Variants in SAMD3 observed in about 807,000 individuals in gnomAD.
SAMD3 encodes the protein sterile alpha motif domain-containing protein 3.
Under a neutral mutation model 58.5 loss-of-function variants are expected in SAMD3, and 63 were observed. The ratio of observed to expected loss-of-function variants is 1.08; its 90% CI spans 0.88 to 1.33. The LOEUF (loss-of-function observed/expected upper bound fraction) is 1.33, where lower values mean the gene tolerates loss of function less well. Among genes scored for constraint, SAMD3 ranks in the 40% most tolerant of loss-of-function variants. SAMD3 has a pLI of 0.00. For missense variants in SAMD3, 604 were observed against 608.4 expected (o/e 0.99, Z 0.08); for synonymous variants, 220 against 210.3 (o/e 1.05, Z -0.40).
intron 2 of SAMD3, among the ~76,000 whole-genome samples, chr6:130,297,716 T>C (rs575167991): frequency 6.6e-6 from 1 of 152,216 alleles, no homozygotes; most frequent in South Asian, 2.1e-4. Context: ...ATAGAAACAT[T>C]CCCTAAAGGA....
intron 1 of SAMD3, among the ~76,000 whole-genome samples, chr6:130,338,984 G>T (rs1777183015): frequency 6.6e-6 from 1 of 152,104 alleles, no homozygotes; most frequent in Non-Finnish European, 1.5e-5. Flanking sequence ...GTGAGATTTG[G>T]GAGGGGCCAG....
chr6:130,292,622 T>TTTTGC (rs1562503586), intron 2 of SAMD3, among the ~76,000 whole-genome samples: 8 of 149,570 alleles, frequency 5.3e-5, no homozygotes, highest in Non-Finnish European at 8.9e-5. Flanking sequence ...GTTTGTTTTG[T>TTTTGC]TTTGTTTTGT....
In SAMD3 at chr6:130,236,322, C is replaced by T. The variant is rs115517858; in HGVS notation, c.-187-13509G>A. On this transcript the variant is annotated intron_variant, in intron 2 of 13. Transcript: ENST00000368134. ...GTGACAAAGACAGCGGAAGTTAGAC[C>T]TCAGGTCTCTTTCCCTGCCCTAAAT... 4.4e-3 allele frequency among the ~76,000 whole-genome samples: 664 copies of T among 151,954 alleles called. 5 individuals carry two copies. Among genetic ancestry groups the T allele is most frequent in the Middle Eastern group, 0.014 (4 of 294 alleles).
chr6:130,268,403 A>C (rs1253138401), intron 2 of SAMD3, among the ~76,000 whole-genome samples: 1 of 152,182 alleles, frequency 6.6e-6, no homozygotes, highest in Non-Finnish European at 1.5e-5. Flanking sequence ...TTGAAGAAAG[A>C]AATGCTTTTA....
chr6:130,183,782 G>C (rs911894844), intron 7 of SAMD3, among the ~76,000 whole-genome samples: 1 of 152,110 alleles, frequency 6.6e-6, no homozygotes, highest in Admixed American at 6.5e-5. Flanking sequence ...ACACAGGGCA[G>C]AGAGAGACCA....
chr6:130,258,465 T>A (rs1773999879), intron 2 of SAMD3, among the ~76,000 whole-genome samples: 1 of 152,226 alleles, frequency 6.6e-6, no homozygotes, highest in Non-Finnish European at 1.5e-5. Flanking sequence ...TTTCCAGTCT[T>A]ATTTTGGGTT....
At chr6:130,311,207 A>C (rs1260100599) in intron 2 of SAMD3, among the ~76,000 whole-genome samples, 1 of 152,234 alleles carries the variant, frequency 6.6e-6, no homozygotes, top group Non-Finnish European at 1.5e-5. Context: ...TTGTGAATAT[A>C]GATTTTATCC....
At chr6:130,281,060 T>A (rs1008689488) in intron 2 of SAMD3, among the ~76,000 whole-genome samples, 1 of 150,372 alleles carries the variant, frequency 6.7e-6, no homozygotes, top group Non-Finnish European at 1.5e-5. Flanking sequence ...TTAACAACAA[T>A]AGCTAATAAT....
chr6:130,149,803 A>G (rs138901842), intron 9 of SAMD3, among the ~76,000 whole-genome samples: 1 of 151,862 alleles, frequency 6.6e-6, no homozygotes, highest in African/African-American at 2.4e-5. Context: ...TGTACACCAA[A>G]CCCCCACGAC....
At chr6:130,307,978 A>C (rs564637471) in intron 2 of SAMD3, among the ~76,000 whole-genome samples, 1 of 152,338 alleles carries the variant, frequency 6.6e-6, no homozygotes, top group Non-Finnish European at 1.5e-5. Flanking sequence ...TTCATCTCAC[A>C]GGTAGTCTGA....
At chr6:130,261,067 C>A (rs886352664) in intron 2 of SAMD3, among the ~76,000 whole-genome samples, 6 of 151,620 alleles carry the variant, frequency 4.0e-5, no homozygotes, top group African/African-American at 1.5e-4. Context: ...TCACCCACAG[C>A]ATGCCTTTAT....
intron 1 of SAMD3, among the ~76,000 whole-genome samples, chr6:130,345,909 GA>G (rs1777435530): frequency 6.6e-6 from 1 of 152,206 alleles, no homozygotes; most frequent in Non-Finnish European, 1.5e-5. Flanking sequence ...TAACTGTCAG[GA>G]CATCCAGGGA....
upstream of SAMD3, among the ~76,000 whole-genome samples, chr6:130,223,430 G>A (rs1796294083): frequency 6.6e-6 from 1 of 152,182 alleles, no homozygotes; most frequent in Non-Finnish European, 1.5e-5. Flanking sequence ...GCTCTGAGTA[G>A]TGGCAAGAAC....
chr6:130,260,912 A>G (rs1354448672), intron 2 of SAMD3, among the ~76,000 whole-genome samples: 2 of 152,200 alleles, frequency 1.3e-5, no homozygotes, highest in Non-Finnish European at 2.9e-5. Flanking sequence ...ACTCTGTTTG[A>G]GTGGAAGTGT....
chr6:130,348,570 T>G (rs1777538676), intron 1 of SAMD3, among the ~76,000 whole-genome samples: 2 of 152,162 alleles, frequency 1.3e-5, no homozygotes, highest in African/African-American at 4.8e-5. Context: ...GCATCCAGAT[T>G]CATAAAGCAA....
chr6:130,212,616 A>G (rs1386600088), intron 4 of SAMD3, among the ~76,000 whole-genome samples: 1 of 152,246 alleles, frequency 6.6e-6, no homozygotes, highest in African/African-American at 2.4e-5. Context: ...AAGAATGCCA[A>G]CATTTAATAT....
chr6:130,217,898 T>G (rs185615283), intron 1 of SAMD3, among the ~76,000 whole-genome samples: 2 of 152,284 alleles, frequency 1.3e-5, no homozygotes, highest in African/African-American at 4.8e-5. Context: ...AAGTATCTCC[T>G]ACCGTGGCTG....
At chr6:130,312,410 C>G (rs180711496) in intron 2 of SAMD3, among the ~76,000 whole-genome samples, 1 of 152,314 alleles carries the variant, frequency 6.6e-6, no homozygotes, top group East Asian at 1.9e-4. Flanking sequence ...ACACGGTGCT[C>G]TTTCCTCCTC....
At chr6:130,144,242 A>G (rs975807370), downstream of SAMD3, 9 of 407,744 alleles carry the variant, frequency 2.2e-5, no homozygotes, top group African/African-American at 1.6e-4. Flanking sequence ...GTGTATTTCA[A>G]AAAAACTGAG....
Sources: gnomAD v4.1 joint callset for allele counts (sites outside exome capture counted in the v4.1 genomes callset) on GRCh38, gnomAD v4.1.1 for gene constraint, MANE v1.5 for transcripts, NCBI Gene and HGNC (gene_info 2026-07-23, HGNC 2026-07-21) for gene names.